AP5Z1: variants seen among roughly 807,000 people sequenced by gnomAD.
The protein encoded by AP5Z1 is AP-5 complex subunit zeta-1.
In AP5Z1, 106 loss-of-function variants were observed where a neutral mutation model predicts 83.0. The ratio of observed to expected loss-of-function variants is 1.28; its 90% CI spans 1.09 to 1.50. The LOEUF (loss-of-function observed/expected upper bound fraction) is 1.50, where lower values mean the gene tolerates loss of function less well. Ranked by LOEUF, AP5Z1 falls within the 40% of genes most tolerant of loss-of-function variation. The pLI, the probability that AP5Z1 is intolerant of heterozygous loss-of-function variation, is 0.00. For synonymous variants in AP5Z1, 751 were observed against 514.1 expected, an observed-to-expected ratio of 1.46 and a Z score of -6.23; for missense variants, 1,565 against 1,094.2, an observed-to-expected ratio of 1.43 and a Z score of -6.07.
rs373628724 is a variant in AP5Z1 at position 4,786,278 on chromosome 7, C to G, written c.1161C>G (p.Ala387=). The change falls in exon 10 of 17, where the codon GCC becomes GCG. Residue 387 remains alanine (A), a synonymous_variant. Coordinates refer to ENST00000649063, the MANE Select transcript of AP5Z1 (RefSeq NM_014855.3). ...HGEAAAVDSE[A]VYQHLFTRIP... The stretch of plus-strand genomic sequence containing the variant: ...AAGCGGCTGCAGTGGACTCGGAAGC[C>G]GTCTACCAGCACCTGTTCACCAGGA... 1.2e-6 allele frequency: 2 copies of G among 1,611,656 alleles called. No homozygotes were observed. Among genetic ancestry groups the G allele is most frequent in the Non-Finnish European group, 1.7e-6 (2 of 1,178,544 alleles).
rs1181668776 is a variant in AP5Z1, at chr7:4,781,749, G to A, written c.361G>A (p.Ala121Thr). 1.9e-6 allele frequency: 3 copies of A among 1,562,368 alleles called. No individual in the cohort carries two copies. The highest frequency in any genetic ancestry group is 2.6e-6 in the Non-Finnish European group (3 of 1,145,126). Residue 121 changes from alanine (A) to threonine (T), a missense_variant, in exon 3 of 17, where the codon GCC becomes ACC. Physicochemically the swap from Ala to Thr is moderately conservative, Grantham distance 58 (BLOSUM62 0). Coordinates refer to ENST00000649063, the MANE Select transcript of AP5Z1 (RefSeq NM_014855.3). ...GAGCCTGGTGGCCTCCGTTCTCTTGGCCCAGGTAGCGCAGCAGTCACCACC... is the reference window on the plus strand; with the variant it reads ...GAGCCTGGTGGCCTCCGTTCTCTTGACCCAGGTAGCGCAGCAGTCACCACC... ...QLSLVASVLL[A>T]QGDRNEEVRA...
intron 12 of AP5Z1, 187 bp downstream of exon 12, chr7:4,788,481 C>G (rs932546761): frequency 2.8e-6 from 2 of 716,152 alleles, no homozygotes; most frequent in South Asian, 2.5e-5. Context: ...GGGGCGGGGC[C>G]TGGTCTCAGC....
At chr7:4,780,962 G>A (rs949321018) in intron 1 of AP5Z1, among the ~76,000 whole-genome samples, 4 of 152,168 alleles carry the variant, frequency 2.6e-5, no homozygotes, top group African/African-American at 4.8e-5. Flanking sequence ...GTCATAGTGC[G>A]CTGCAGCGAT....
intron 1 of AP5Z1, among the ~76,000 whole-genome samples, chr7:4,776,931 A>G (rs904050692): frequency 6.6e-6 from 1 of 152,140 alleles, no homozygotes; most frequent in Non-Finnish European, 1.5e-5. Context: ...AAAACAAACA[A>G]GCAAACCTGG....
chr7:4,781,580 A>G lies in AP5Z1; in HGVS notation c.192A>G (p.Thr64=). 1 of 1,607,034 alleles carries G rather than the reference A, an allele frequency of 6.2e-7. No homozygotes were observed. The highest frequency in any genetic ancestry group is 1.1e-5 in the South Asian group (1 of 90,992). The change falls in exon 3 of 17, where the codon ACA becomes ACG. Residue 64 remains threonine (T), a synonymous_variant. Coordinates refer to ENST00000649063, the MANE Select transcript of AP5Z1 (RefSeq NM_014855.3). ...ATKYSRRLEK[T]CVDLLQATLG... Reference sequence around the variant, plus strand: ...TCTCGCCTTCCAGGCTGGAGAAGACATGCGTAGACCTGCTGCAGGCCACCC... The same window carrying G: ...TCTCGCCTTCCAGGCTGGAGAAGACGTGCGTAGACCTGCTGCAGGCCACCC...
intron 3 of AP5Z1, 57 bp from the exon 4 acceptor site, chr7:4,783,259 G>A: frequency 6.6e-7 from 1 of 1,504,682 alleles, no homozygotes; most frequent in Non-Finnish European, 8.9e-7. Flanking sequence ...TCCGAAATGG[G>A]GGAGCTGGTC....
At position 4,783,717 on chromosome 7, in the gene AP5Z1, G is replaced by T; in HGVS notation, c.540G>T (p.Leu180=). ...AGGCCACCCTGCTCAGCAAGCGGCT[G>T]GTCGACTGGCTGCGCTACGCCAGCC... ...EDQATLLSKR[L]VDWLRYASLQ... is the part of the protein sequence containing the mutation. Residue 180 remains leucine (L), a synonymous_variant, in exon 5 of 17, where the codon CTG becomes CTT. Transcript: ENST00000649063. The T allele has an allele frequency of 1.3e-6, 2 of 1,550,580 alleles. No homozygotes were observed. The highest frequency in any genetic ancestry group is 1.7e-6 in the Non-Finnish European group (2 of 1,146,988).
rs1461402027 is a variant in AP5Z1, at chr7:4,791,805, T to TGGGGAGAGGACC, written c.*421_*432dup. 1.2e-5 allele frequency: 2 copies of TGGGGAGAGGACC among 165,316 alleles called. No individual in the cohort carries two copies. Among genetic ancestry groups the TGGGGAGAGGACC allele is most frequent in the Non-Finnish European group, 2.6e-5 (2 of 76,946 alleles). The allele number at this position is 165,316 out of a possible 1,614,324, so 10.2% of individuals were successfully genotyped here. Reference sequence around the variant, plus strand: ...CAGTTCCGTTACCTGCCCTGCACCCTGGGGAGAGGACCAGGGATGGGAACC... The same window carrying TGGGGAGAGGACC: ...CAGTTCCGTTACCTGCCCTGCACCCTGGGGAGAGGACCGGGGAGAGGACCAGGGATGGGAACC... On this transcript the variant is annotated 3_prime_UTR_variant, in exon 17 of 17. Transcript: ENST00000649063.
Position 4,791,143 on chromosome 7 carries a change from AC to A in AP5Z1, c.2185del (p.Leu729TrpfsTer27), listed in dbSNP as rs1326802596. On this transcript the variant is annotated frameshift_variant, in exon 17 of 17. Coordinates refer to ENST00000649063, the MANE Select transcript of AP5Z1 (RefSeq NM_014855.3). LOFTEE classifies it low-confidence loss of function (END_TRUNC). ...RASLLLSKMR[T>X]LAHSPATSST... ...CTCTTTATTGCTGTCAAAGATGAGG[AC>A]CCTGGCTCACAGTCCAGCCACCAGC... 4 of 1,606,870 alleles carry A rather than the reference AC, an allele frequency of 2.5e-6. No individual in the cohort carries two copies. In the African/African-American group the frequency reaches 5.3e-5, roughly 21 times the overall value.
In AP5Z1 at chr7:4,779,181, CAT is replaced by C. The variant is rs200476343; in HGVS notation, c.42-1988_42-1987del. On this transcript the variant is annotated intron_variant, in intron 1 of 16. Transcript: ENST00000649063. ...CAACTATATAACATATATAACATAA[CAT>C]ATATAACAACATAATATATAGCATA... 5.1e-3 allele frequency among the ~76,000 whole-genome samples: 734 copies of C among 143,712 alleles called. 14 individuals are homozygous for C. The highest frequency in any genetic ancestry group is 0.015 in the African/African-American group (610 of 39,372). The allele number at this position is 143,712 out of a possible 152,430, so 94.3% of individuals were successfully genotyped here.
At position 4,781,581 on chromosome 7, in the gene AP5Z1, T is replaced by C. The variant is rs542054306; in HGVS notation, c.193T>C (p.Cys65Arg). 6 of 1,608,048 alleles carry C rather than the reference T, an allele frequency of 3.7e-6. No individual in the cohort carries two copies. Among genetic ancestry groups the C allele is most frequent in the African/African-American group, 2.7e-5 (2 of 74,914 alleles). Reference sequence around the variant, plus strand: ...CTCGCCTTCCAGGCTGGAGAAGACATGCGTAGACCTGCTGCAGGCCACCCT... The same window carrying C: ...CTCGCCTTCCAGGCTGGAGAAGACACGCGTAGACCTGCTGCAGGCCACCCT... ...TKYSRRLEKT[C>R]VDLLQATLGL... The change falls in exon 3 of 17, where the codon TGC becomes CGC. Residue 65 changes from cysteine to arginine, a missense_variant. Coordinates refer to ENST00000649063, the MANE Select transcript of AP5Z1 (RefSeq NM_014855.3).
intron 3 of AP5Z1, among the ~76,000 whole-genome samples, chr7:4,782,811 C>T (rs1003155245): frequency 2.0e-5 from 3 of 152,222 alleles, no homozygotes; most frequent in Admixed American, 6.5e-5. Flanking sequence ...GATGATCTTG[C>T]AGAACTGCTG....
Position 4,788,948 on chromosome 7 carries a change from C to A in AP5Z1, c.1704C>A (p.Thr568=). 1 of 1,610,802 alleles carries A rather than the reference C, an allele frequency of 6.2e-7. No homozygotes were observed. The highest frequency in any genetic ancestry group is 1.1e-5 in the South Asian group (1 of 90,878). Residue 568 remains threonine, a synonymous_variant, in exon 13 of 17, where the codon ACC becomes ACA. Coordinates refer to ENST00000649063, the MANE Select transcript of AP5Z1 (RefSeq NM_014855.3). ...TLLQAFFSAV[T]QVADGSLINQ... is the part of the protein sequence containing the mutation. ...TGCAGGCATTCTTCTCAGCAGTGAC[C>A]CAGGTGAGCTCGCTGCCTGGGGCCC...
At chr7:4,784,095 C>A in intron 5 of AP5Z1, 108 bp from the exon 6 acceptor site, 2 of 1,351,848 alleles carry the variant, frequency 1.5e-6, no homozygotes, top group Non-Finnish European at 2.0e-6. Flanking sequence ...GCTGCCCGGG[C>A]TCATGTTCAG....
chr7:4,789,992 T>TCCCCCCCCC, intron 14 of AP5Z1, 63 bp downstream of exon 14: 2 of 516,476 alleles, frequency 3.9e-6, no homozygotes, highest in Non-Finnish European at 2.5e-6. Context: ...CCTCCCCCTC[T>TCCCCCCCCC]CCCCTCCCCC....
rs370926189 is a variant in AP5Z1, at chr7:4,786,272, G to T, written c.1155G>T (p.Ser385=). Residue 385 remains serine (S), a synonymous_variant, in exon 10 of 17, where the codon TCG becomes TCT. Transcript: ENST00000649063. ...LSHGEAAAVD[S]EAVYQHLFTR... ...CAGGGGAAGCGGCTGCAGTGGACTCGGAAGCCGTCTACCAGCACCTGTTCA... is the reference window on the plus strand; with the variant it reads ...CAGGGGAAGCGGCTGCAGTGGACTCTGAAGCCGTCTACCAGCACCTGTTCA... 6.2e-7 allele frequency: 1 copy of T among 1,610,204 alleles called. No homozygotes were observed. Among genetic ancestry groups the T allele is most frequent in the South Asian group, 1.1e-5 (1 of 90,868 alleles).
intron 1 of AP5Z1, among the ~76,000 whole-genome samples, chr7:4,780,040 C>T (rs185392839): frequency 6.0e-4 from 91 of 152,256 alleles, no homozygotes; most frequent in African/African-American, 2.1e-3. Context: ...CTCAGCGTCC[C>T]AAAGTGCTGG....
intron 2 of AP5Z1, 78 bp downstream of exon 2, chr7:4,781,390 G>T: frequency 1.3e-6 from 2 of 1,599,068 alleles, no homozygotes; most frequent in Non-Finnish European, 1.7e-6. Context: ...GCAGGTCACT[G>T]CAGATGCTCC....
rs1562410321 is a variant in AP5Z1 at position 4,787,539 on chromosome 7, G to C, written c.1312-95G>C. 2.0e-6 allele frequency: 3 copies of C among 1,480,630 alleles called. No homozygotes were observed. The East Asian group carries it at 7.5e-5, about 37-fold the overall frequency. The allele number at this position is 1,480,630 out of a possible 1,614,324, so 91.7% of individuals were successfully genotyped here. A position where few individuals can be genotyped will look rare whatever the true frequency, so the allele number is the denominator to read the frequency against. ...GGTAGAAGCCCTCCTGGGGACTGCA[G>C]GTCTGGGACAGCTGTGGGGCCCTAG... On this transcript the variant is annotated intron_variant, in intron 10 of 16. Coordinates refer to ENST00000649063, the MANE Select transcript of AP5Z1 (RefSeq NM_014855.3).
Sources: gnomAD v4.1 joint callset for allele counts (sites outside exome capture counted in the v4.1 genomes callset) on GRCh38, gnomAD v4.1.1 for gene constraint, MANE v1.5 for transcripts, NCBI Gene and HGNC (gene_info 2026-07-23, HGNC 2026-07-21) for gene names.